Variants in TTF1 observed in about 807,000 individuals in gnomAD.
The protein encoded by TTF1 is transcription termination factor 1.
Under a neutral mutation model 80.2 loss-of-function variants are expected in TTF1, and 64 were observed. The observed-to-expected ratio is 0.80, with a 90% CI of 0.65 to 0.98. The LOEUF (loss-of-function observed/expected upper bound fraction) is 0.98. TTF1 is among the 50% of genes least tolerant of loss of function. The probability of loss-of-function intolerance (pLI) is 0.00; values close to 1 mark genes in which losing one functional copy is unlikely to be tolerated. For synonymous variants in TTF1, 372 were observed against 382.7 expected (o/e 0.97, Z 0.33); for missense variants, 1,023 against 1,086.2 (o/e 0.94, Z 0.82).
chr9:132,398,529 C>G (rs751801476), intron 3 of TTF1, among the ~76,000 whole-genome samples: 1 of 152,192 alleles, frequency 6.6e-6, no homozygotes, highest in African/African-American at 2.4e-5. Context: ...AATGTCTTCC[C>G]GGGTCATCCT....
In TTF1 at chr9:132,400,160, G is replaced by C. The variant is rs757835009; in HGVS notation, c.1466C>G (p.Ala489Gly). Reference protein sequence around the residue: ...ADSGDADDSDADLGSAVKQLQ... With the variant: ...ADSGDADDSDGDLGSAVKQLQ... ...CTGTTTCACGGCAGAACCCAAATCC[G>C]CATCTGAATCATCGGCATCTCCTGA... Residue 489 changes from alanine (A) to glycine (G), a missense_variant, in exon 3 of 11, where the codon GCG becomes GGG. Coordinates refer to ENST00000334270, the MANE Select transcript of TTF1 (RefSeq NM_007344.4). 1 of 1,613,962 alleles carries C rather than the reference G, an allele frequency of 6.2e-7. No homozygotes were observed. Among genetic ancestry groups the C allele is most frequent in the African/African-American group, 1.3e-5 (1 of 74,908 alleles).
In TTF1 at chr9:132,402,346, A is replaced by G. The variant is rs779715021; in HGVS notation, c.476T>C (p.Leu159Pro). Reference sequence around the variant, plus strand: ...CTTTTTCTCCCTAACTTTACTGTGCAGGGCTTCTGATTTATGTGCATGTGA... The same window carrying G: ...CTTTTTCTCCCTAACTTTACTGTGCGGGGCTTCTGATTTATGTGCATGTGA... ...AKSHAHKSEALHSKVREKKNK... is the reference protein window; with the variant it reads ...AKSHAHKSEAPHSKVREKKNK... The change falls in exon 2 of 11, where the codon CTG becomes CCG. Residue 159 changes from leucine to proline, a missense_variant. By Grantham distance (98) the Leu-to-Pro change is moderately conservative. Coordinates refer to ENST00000334270, the MANE Select transcript of TTF1 (RefSeq NM_007344.4). 6.2e-7 allele frequency: 1 copy of G among 1,614,084 alleles called. No individual in the cohort carries two copies.
Position 132,377,588 on chromosome 9 carries a change from AGTGCATG to A in TTF1, c.2465-1427_2465-1421del, listed in dbSNP as rs1849233764. ...GTGGTGAGTGCATGTGGTGTGTGTG[AGTGCATG>A]TGGTGTGTGTGTGAATGCATGTGGT... On this transcript the variant is annotated intron_variant, in intron 10 of 10. Coordinates refer to ENST00000334270, the MANE Select transcript of TTF1 (RefSeq NM_007344.4). Among the ~76,000 whole-genome samples, 3 of 19,198 alleles carry A rather than the reference AGTGCATG, an allele frequency of 1.6e-4. 1 individual carries two copies. The highest frequency in any genetic ancestry group is 1.4e-3 in the Admixed American group (2 of 1,450). 12.6% of individuals were successfully genotyped at this position (19,198 alleles called of 152,430 possible).
chr9:132,379,524 C>G lies in TTF1; in HGVS notation c.2379-380G>C, dbSNP rs61049439. Among the ~76,000 whole-genome samples the G allele has an allele frequency of 0.019, 2,935 of 152,272 alleles. 186 individuals are homozygous for G. The East Asian group carries it at 0.23, about 12-fold the overall frequency. On this transcript the variant is annotated intron_variant, in intron 9 of 10. Transcript: ENST00000334270. ...TAACTGCAGCAATAAATAATCCTCA[C>G]GACAACTCAAGGAGGGAGTTACCAC...
At chr9:132,386,857 T>G (rs1166300) in intron 8 of TTF1, among the ~76,000 whole-genome samples, 142,450 of 152,194 alleles carry the variant, frequency 0.94, 67,421 homozygotes, top group East Asian at 1. Context: ...AGCCCTTTGT[T>G]TCTCTCAACA....
At chr9:132,394,341 G>A (rs1348740907) in intron 5 of TTF1, among the ~76,000 whole-genome samples, 8 of 150,410 alleles carry the variant, frequency 5.3e-5, no homozygotes, top group East Asian at 2.0e-4. Flanking sequence ...GTGCAGTGGC[G>A]CAATCTCGGT....
intron 1 of TTF1, among the ~76,000 whole-genome samples, chr9:132,406,196 C>G (rs555851199): frequency 2.7e-4 from 41 of 152,170 alleles, no homozygotes; most frequent in Non-Finnish European, 4.9e-4. Context: ...CCCGGATTCT[C>G]TCACCGCCTT....
intron 1 of TTF1, among the ~76,000 whole-genome samples, chr9:132,404,894 T>TA (rs1454758156): frequency 1.3e-5 from 2 of 148,656 alleles, no homozygotes; most frequent in Non-Finnish European, 3.0e-5. Context: ...CTTTTTTTTC[T>TA]TTTTTTTTTG....
At chr9:132,391,062 A>C (rs1475894840) in intron 6 of TTF1, among the ~76,000 whole-genome samples, 2 of 152,334 alleles carry the variant, frequency 1.3e-5, no homozygotes, top group South Asian at 4.1e-4. Context: ...TCTTAAAGCA[A>C]TGTTTTATTT....
chr9:132,378,260 G>GT (rs1849281694), intron 10 of TTF1, among the ~76,000 whole-genome samples: 1 of 143,030 alleles, frequency 7.0e-6, no homozygotes, highest in Non-Finnish European at 1.5e-5. Flanking sequence ...TGTGGTGTGT[G>GT]TGAGTGCATG....
At position 132,392,128 on chromosome 9, in the gene TTF1, C is replaced by T; in HGVS notation, c.1935G>A (p.Met645Ile). 6.2e-7 allele frequency: 1 copy of T among 1,614,124 alleles called. No individual in the cohort carries two copies. The highest frequency in any genetic ancestry group is 8.5e-7 in the Non-Finnish European group (1 of 1,180,030). Residue 645 changes from methionine (M) to isoleucine (I), a missense_variant, in exon 6 of 11, where the codon ATG (methionine) becomes ATA (isoleucine). Physicochemically the swap from Met to Ile is conservative, Grantham distance 10. Coordinates refer to ENST00000334270, the MANE Select transcript of TTF1 (RefSeq NM_007344.4). ...CCACGGAGAGGCTACTTCGGGCCAC[C>T]ATCTCACCAATCGTCTTCCAGTCAT... ...LGNDWKTIGE[M>I]VARSSLSVAL...
chr9:132,401,426 C>T (rs1158835819), intron 2 of TTF1, 29 bp downstream of exon 2: 1 of 1,567,928 alleles, frequency 6.4e-7, no homozygotes. Context: ...AGAAATATAC[C>T]AGCAGCTGGA....
rs929138728 is a variant in TTF1 at position 132,384,895 on chromosome 9, A to G, written c.2378+1661T>C. Among the ~76,000 whole-genome samples, 10 of 152,172 alleles carry G rather than the reference A, an allele frequency of 6.6e-5. No homozygotes were observed. Among genetic ancestry groups the G allele is most frequent in the African/African-American group, 2.4e-4 (10 of 41,448 alleles). ...GGTCTTGAACTCCTGACCTCAGGTG[A>G]TCTGCCCACCTTGGCCTCCCAAAGT... On this transcript the variant is annotated intron_variant, in intron 9 of 10. Coordinates refer to ENST00000334270, the MANE Select transcript of TTF1 (RefSeq NM_007344.4). This position sits in a 1 kb window ranked among gnomAD's most constrained non-coding sequence, Gnocchi z 4.1.
At chr9:132,377,300 T>G (rs1372446479) in intron 10 of TTF1, among the ~76,000 whole-genome samples, 1 of 140,150 alleles carries the variant, frequency 7.1e-6, no homozygotes. Context: ...TGTGAATGCA[T>G]GTGGTGTGAG....
At chr9:132,397,922 G>C (rs1204313586) in intron 4 of TTF1, among the ~76,000 whole-genome samples, 1 of 151,964 alleles carries the variant, frequency 6.6e-6, no homozygotes, top group Non-Finnish European at 1.5e-5. Flanking sequence ...AGAGGTGGAG[G>C]TTGCAGTGAG....
chr9:132,390,726 T>C lies in TTF1; in HGVS notation c.2093A>G (p.Asp698Gly). The C allele has an allele frequency of 1.2e-6, 2 of 1,614,254 alleles. No homozygotes were observed. Among genetic ancestry groups the C allele is most frequent in the Non-Finnish European group, 1.7e-6 (2 of 1,180,048 alleles). Reference sequence around the variant, plus strand: ...TTCAGGATTTTCTTGGAGTTTGGAATCCACCTCTTTTAACTCCTGGGGAGA... The same window carrying C: ...TTCAGGATTTTCTTGGAGTTTGGAACCCACCTCTTTTAACTCCTGGGGAGA... ...KMSPQELKEV[D>G]SKLQENPESC... The change falls in exon 7 of 11, where the codon GAT (aspartate) becomes GGT (glycine). Residue 698 changes from aspartate to glycine, a missense_variant. Transcript: ENST00000334270.
rs1459476863 is a variant in TTF1, at chr9:132,375,713, A to G, written c.*202T>C. 5 of 502,532 alleles carry G rather than the reference A, an allele frequency of 9.9e-6. No individual in the cohort carries two copies. The highest frequency in any genetic ancestry group is 1.8e-5 in the Non-Finnish European group (5 of 281,374). The allele number at this position is 502,532 out of a possible 1,614,324, so 31.1% of individuals were successfully genotyped here. ...AATCAAACTGAGAAAAAGGGACAAG[A>G]AATAGTAATCTCTCTCTCTCATGCG... is the stretch of plus-strand genomic sequence containing the variant. On this transcript the variant is annotated 3_prime_UTR_variant, in exon 11 of 11. Transcript: ENST00000334270.
chr9:132,376,120 T>C lies in TTF1; in HGVS notation c.2513A>G (p.Lys838Arg), dbSNP rs772806815. The C allele has an allele frequency of 3.7e-6, 6 of 1,614,072 alleles. No homozygotes were observed. The highest frequency in any genetic ancestry group is 5.1e-6 in the Non-Finnish European group (6 of 1,180,012). The change falls in exon 11 of 11, where the codon AAG becomes AGG. Residue 838 changes from lysine to arginine, a missense_variant. Physicochemically the swap from Lys to Arg is conservative, Grantham distance 26. Transcript: ENST00000334270. ...TTTTTTCTCCATCATTTTTTCTAAC[T>C]TTTCCTTCAGCAAAGGTAGAGTCGT... ...YETTLPLLKE[K>R]LEKMMEKKGT... is the part of the protein sequence containing the mutation.
At position 132,398,245 on chromosome 9, in the gene TTF1, G is replaced by T; in HGVS notation, c.1673C>A (p.Thr558Lys). Residue 558 changes from threonine to lysine, a missense_variant, in exon 4 of 11, where the codon ACA becomes AAA. By Grantham distance (78) the Thr-to-Lys change is moderately conservative. Coordinates refer to ENST00000334270, the MANE Select transcript of TTF1 (RefSeq NM_007344.4). ...CAGCTTGTCTGCACTCTCAATGCCT[G>T]TCAGGGCTAGAAAGTCTTCCACATT... ...EKNVEDFLALTGIESADKLLY... is the reference protein window; with the variant it reads ...EKNVEDFLALKGIESADKLLY... The T allele has an allele frequency of 6.2e-7, 1 of 1,608,938 alleles. No homozygotes were observed. The highest frequency in any genetic ancestry group is 8.5e-7 in the Non-Finnish European group (1 of 1,178,416).
Sources: allele counts gnomAD v4.1 joint callset (sites outside exome capture counted in the v4.1 genomes callset), GRCh38; gene constraint gnomAD v4.1.1; non-coding constraint Gnocchi (gnomAD v3.1); transcripts MANE v1.5; gene names NCBI Gene and HGNC (gene_info 2026-07-23, HGNC 2026-07-21).